Variants in KCNT2 observed in about 807,000 individuals in gnomAD.
KCNT2 encodes the protein potassium sodium-activated channel subfamily T member 2.
In KCNT2, 67 loss-of-function variants were observed where a neutral mutation model predicts 153.8. The observed-to-expected ratio is 0.44, with a 90% CI of 0.36 to 0.53. The LOEUF is 0.53. Ranked by LOEUF, KCNT2 falls within the 20% of genes least tolerant of loss-of-function variation. The probability of loss-of-function intolerance (pLI) is 0.00; values close to 1 mark genes in which losing one functional copy is unlikely to be tolerated. For synonymous variants in KCNT2, 500 were observed against 458.8 expected (o/e 1.09, Z -1.15); for missense variants, 975 against 1,354.8 (o/e 0.72, Z 4.40).
intron 12 of KCNT2, among the ~76,000 whole-genome samples, chr1:196,399,741 T>C (rs1671252122): frequency 6.6e-6 from 1 of 151,792 alleles, no homozygotes; most frequent in Non-Finnish European, 1.5e-5. Flanking sequence ...GTGAAGGTAG[T>C]AGGAGATGAG....
chr1:196,598,281 T>C (rs1378614696), intron 1 of KCNT2, among the ~76,000 whole-genome samples: 2 of 152,208 alleles, frequency 1.3e-5, no homozygotes, highest in African/African-American at 4.8e-5. Flanking sequence ...GTTCCTGGGA[T>C]ACTGTTTTCA....
intron 19 of KCNT2, among the ~76,000 whole-genome samples, chr1:196,320,745 A>G (rs908385819): frequency 2.6e-5 from 4 of 151,642 alleles, no homozygotes; most frequent in African/African-American, 9.7e-5. Context: ...GAATACCATT[A>G]TTTTAATTTT....
intron 13 of KCNT2, among the ~76,000 whole-genome samples, chr1:196,383,947 T>A (rs1276226784): frequency 6.6e-6 from 1 of 152,342 alleles, no homozygotes; most frequent in African/African-American, 2.4e-5. Context: ...GTTATTTTTA[T>A]AAATCACAAA....
intron 1 of KCNT2, among the ~76,000 whole-genome samples, chr1:196,576,070 TTTTA>T (rs1476594476): frequency 5.5e-4 from 10 of 18,258 alleles, no homozygotes; most frequent in Non-Finnish European, 2.5e-3. Flanking sequence ...GTGTGTTAGG[TTTTA>T]TATATATATA....
chr1:196,357,671 C>G (rs781651555), intron 14 of KCNT2, among the ~76,000 whole-genome samples: 4 of 151,776 alleles, frequency 2.6e-5, no homozygotes, highest in Non-Finnish European at 5.9e-5. Flanking sequence ...CATTTTGTTG[C>G]AATGGATGGC....
chr1:196,456,202 G>A lies in KCNT2; in HGVS notation c.638+9091C>T, dbSNP rs111865851. 2.5e-3 allele frequency among the ~76,000 whole-genome samples: 387 copies of A among 152,012 alleles called. 1 individual carries two copies. The highest frequency in any genetic ancestry group is 0.01 in the Middle Eastern group (3 of 294). On this transcript the variant is annotated intron_variant, in intron 8 of 27. Coordinates refer to ENST00000294725, the MANE Select transcript of KCNT2 (RefSeq NM_198503.5). ...AGGATGTCTTAAGCAGACTTCCTCCGGGAGTCTTTCTTGCACTTTGCCAAG... is the reference window on the plus strand; with the variant it reads ...AGGATGTCTTAAGCAGACTTCCTCCAGGAGTCTTTCTTGCACTTTGCCAAG...
intron 3 of KCNT2, among the ~76,000 whole-genome samples, chr1:196,486,719 A>T (rs1032975958): frequency 2.6e-5 from 4 of 151,978 alleles, no homozygotes; most frequent in African/African-American, 9.7e-5. Context: ...TCTAAAAAAA[A>T]ACCCTAATAT....
At chr1:196,600,210 C>T (rs1025734956) in intron 1 of KCNT2, among the ~76,000 whole-genome samples, 1 of 152,090 alleles carries the variant, frequency 6.6e-6, no homozygotes, top group Non-Finnish European at 1.5e-5. Context: ...TCCATGGAGC[C>T]TAGTTTTCTA....
chr1:196,565,232 A>G (rs150025386), intron 1 of KCNT2, among the ~76,000 whole-genome samples: 331 of 152,024 alleles, frequency 2.2e-3, no homozygotes, highest in African/African-American at 7.3e-3. Flanking sequence ...GCAAATTAAA[A>G]CCACAATGAG....
chr1:196,239,675 A>G (rs1211650165), intron 26 of KCNT2, among the ~76,000 whole-genome samples: 1 of 152,066 alleles, frequency 6.6e-6, no homozygotes, highest in South Asian at 2.1e-4. Context: ...GAATTTTGTA[A>G]GACAGAAATT....
At chr1:196,593,792 T>C (rs1663712300) in intron 1 of KCNT2, among the ~76,000 whole-genome samples, 1 of 152,156 alleles carries the variant, frequency 6.6e-6, no homozygotes, top group Admixed American at 6.6e-5. Context: ...TACATATTTT[T>C]GAATAGCGTA....
At chr1:196,301,468 C>T (rs1232166976) in intron 22 of KCNT2, among the ~76,000 whole-genome samples, 1 of 152,134 alleles carries the variant, frequency 6.6e-6, no homozygotes, top group African/African-American at 2.4e-5. Context: ...AGTAGATATT[C>T]TTCACTAAGT....
intron 1 of KCNT2, among the ~76,000 whole-genome samples, chr1:196,541,254 A>G (rs1265622028): frequency 6.6e-6 from 1 of 152,024 alleles, no homozygotes; most frequent in Admixed American, 6.6e-5. Flanking sequence ...TTTTAAATCA[A>G]TATGTTGAAT....
chr1:196,287,755 T>G (rs1323855669), intron 22 of KCNT2, among the ~76,000 whole-genome samples: 1 of 152,070 alleles, frequency 6.6e-6, no homozygotes, highest in Non-Finnish European at 1.5e-5. Context: ...TCATCCTCAG[T>G]GCTAGGAATA....
At chr1:196,468,789 C>T (rs1404270034) in intron 6 of KCNT2, among the ~76,000 whole-genome samples, 1 of 151,966 alleles carries the variant, frequency 6.6e-6, no homozygotes, top group Non-Finnish European at 1.5e-5. Flanking sequence ...AAATATTTTA[C>T]TCTGCTATTG....
At chr1:196,389,276 G>A (rs993098539) in intron 13 of KCNT2, among the ~76,000 whole-genome samples, 22 of 151,746 alleles carry the variant, frequency 1.4e-4, no homozygotes, top group African/African-American at 4.8e-4. Context: ...TTCATAAAAC[G>A]TATCAGTTTG....
At chr1:196,578,639 A>G (rs1203544404) in intron 1 of KCNT2, among the ~76,000 whole-genome samples, 2 of 152,152 alleles carry the variant, frequency 1.3e-5, no homozygotes, top group Non-Finnish European at 2.9e-5. Flanking sequence ...ATTCTTTTAC[A>G]ATTAAGCCTC....
chr1:196,538,658 T>C (rs1445774817), intron 1 of KCNT2, among the ~76,000 whole-genome samples: 1 of 152,164 alleles, frequency 6.6e-6, no homozygotes, highest in African/African-American at 2.4e-5. Flanking sequence ...GGTTACATAA[T>C]GTGTGGAGTT....
At chr1:196,369,838 C>T (rs1026830421) in intron 14 of KCNT2, among the ~76,000 whole-genome samples, 2 of 152,026 alleles carry the variant, frequency 1.3e-5, no homozygotes, top group East Asian at 1.9e-4. Flanking sequence ...TGGGTATATA[C>T]CCAGTAATGG....
Sources: gnomAD v4.1 joint callset for allele counts (sites outside exome capture counted in the v4.1 genomes callset) on GRCh38, gnomAD v4.1.1 for gene constraint, MANE v1.5 for transcripts, NCBI Gene and HGNC (gene_info 2026-07-23, HGNC 2026-07-21) for gene names.